MCUB: variants seen among roughly 807,000 people sequenced by gnomAD.
MCUB encodes mitochondrial calcium uniporter dominant negative subunit beta.
MCUB carries 46 observed loss-of-function variants against 41.4 expected under a neutral mutation model. The ratio of observed to expected loss-of-function variants is 1.11; its 90% CI spans 0.88 to 1.42. The LOEUF (loss-of-function observed/expected upper bound fraction) is 1.42, where lower values mean the gene tolerates loss of function less well. Among genes scored for constraint, MCUB ranks in the 40% most tolerant of loss-of-function variants. MCUB has a pLI of 0.00. For synonymous variants in MCUB, 148 were observed against 148.2 expected (o/e 1.00, Z 0.01); for missense variants, 403 against 404.9 (o/e 1.00, Z 0.04).
chr4:109,612,267 T>TTC (rs1554017530), intron 1 of MCUB, among the ~76,000 whole-genome samples: 32 of 144,982 alleles, frequency 2.2e-4, no homozygotes, highest in South Asian at 9.3e-4. Flanking sequence ...CCTTTTCTTT[T>TTC]TTTTTTTTTT....
chr4:109,669,610 TCTTTC>T (rs1215736107), intron 4 of MCUB, among the ~76,000 whole-genome samples: 3 of 152,026 alleles, frequency 2.0e-5, no homozygotes, highest in Non-Finnish European at 2.9e-5. Context: ...ATTCTTCTGT[TCTTTC>T]CTTTCTTCTC....
chr4:109,627,402 T>C (rs1332085360), intron 1 of MCUB, among the ~76,000 whole-genome samples: 1 of 152,228 alleles, frequency 6.6e-6, no homozygotes, highest in African/African-American at 2.4e-5. Context: ...AGGTTTTGCC[T>C]CCTCAAATGG....
Position 109,623,548 on chromosome 4 carries a change from A to G in MCUB, c.100-35463A>G, listed in dbSNP as rs115621902. On this transcript the variant is annotated intron_variant, in intron 1 of 7. Transcript: ENST00000394650. ...GGATAATAAATATTTCCCAGGACAA[A>G]TATTTTATGTAAATAAAATAGGGTT... Among the ~76,000 whole-genome samples, 451 of 152,296 alleles carry G rather than the reference A, an allele frequency of 3.0e-3. 1 individual carries two copies. The highest frequency in any genetic ancestry group is 4.6e-3 in the Non-Finnish European group (313 of 68,028).
chr4:109,582,280 A>G (rs1190033724), intron 1 of MCUB, among the ~76,000 whole-genome samples: 3 of 150,542 alleles, frequency 2.0e-5, no homozygotes, highest in African/African-American at 4.9e-5. Flanking sequence ...TGCAAGGACA[A>G]AAAACCAAAC....
intron 1 of MCUB, among the ~76,000 whole-genome samples, chr4:109,583,226 T>G (rs1402817720): frequency 6.6e-6 from 1 of 152,206 alleles, no homozygotes; most frequent in Admixed American, 6.5e-5. Context: ...GTTTGTGTCC[T>G]CTTTTATTTT....
intron 1 of MCUB, among the ~76,000 whole-genome samples, chr4:109,631,708 T>C (rs889940660): frequency 6.6e-6 from 1 of 152,212 alleles, no homozygotes; most frequent in South Asian, 2.1e-4. Flanking sequence ...AGCTTTAGGC[T>C]CTGTCAGTGC....
intron 1 of MCUB, among the ~76,000 whole-genome samples, chr4:109,615,508 G>A (rs531437324): frequency 1.3e-5 from 2 of 150,798 alleles, no homozygotes; most frequent in African/African-American, 2.4e-5. Context: ...CGGGTTTTAC[G>A]CCATTCTCCT....
intron 1 of MCUB, among the ~76,000 whole-genome samples, chr4:109,609,983 C>T (rs1480583442): frequency 6.6e-6 from 1 of 152,138 alleles, no homozygotes; most frequent in Non-Finnish European, 1.5e-5. Flanking sequence ...GCACTCAAAC[C>T]ACAAGACAAA....
chr4:109,618,451 T>C (rs1207381798), intron 1 of MCUB, among the ~76,000 whole-genome samples: 2 of 152,218 alleles, frequency 1.3e-5, no homozygotes, highest in African/African-American at 2.4e-5. Context: ...ATTCTCTTTC[T>C]CCTGCTTTAT....
At chr4:109,682,797 G>T (rs1275182687) in intron 5 of MCUB, 55 bp downstream of exon 5, 4 of 1,372,440 alleles carry the variant, frequency 2.9e-6, no homozygotes, top group Non-Finnish European at 4.0e-6. Context: ...TGTTTATTGA[G>T]TGCTCCTCAT....
At chr4:109,598,887 A>G (rs373326021) in intron 1 of MCUB, among the ~76,000 whole-genome samples, 29 of 152,354 alleles carry the variant, frequency 1.9e-4, no homozygotes, top group African/African-American at 6.0e-4. Context: ...AGACCAATAT[A>G]TATTCAGCTG....
intron 1 of MCUB, among the ~76,000 whole-genome samples, chr4:109,593,502 C>T (rs759698716): frequency 1.3e-4 from 20 of 152,166 alleles, no homozygotes; most frequent in Middle Eastern, 3.2e-3. Flanking sequence ...CACGCTGGGC[C>T]TTCTGAAAAG....
chr4:109,620,153 G>A (rs969588386), intron 1 of MCUB, among the ~76,000 whole-genome samples: 9 of 152,070 alleles, frequency 5.9e-5, no homozygotes, highest in African/African-American at 9.7e-5. Context: ...GTTCCTTCTC[G>A]TTTTGCTTAC....
At chr4:109,613,737 C>T (rs957609251) in intron 1 of MCUB, among the ~76,000 whole-genome samples, 2 of 152,006 alleles carry the variant, frequency 1.3e-5, no homozygotes, top group East Asian at 3.9e-4. Flanking sequence ...GGTCAGAATA[C>T]CAGGAGGCAG....
At chr4:109,665,038 C>T (rs939134871) in intron 4 of MCUB, among the ~76,000 whole-genome samples, 4 of 152,156 alleles carry the variant, frequency 2.6e-5, no homozygotes, top group African/African-American at 4.8e-5. Flanking sequence ...CTGCACCCCA[C>T]GCCCCTTATT....
chr4:109,592,269 G>GTA (rs1727454127), intron 1 of MCUB, among the ~76,000 whole-genome samples: 1 of 151,796 alleles, frequency 6.6e-6, no homozygotes, highest in Non-Finnish European at 1.5e-5. Flanking sequence ...AATTAGCCGG[G>GTA]TATGGTGGCG....
chr4:109,674,317 C>T (rs1271862047), intron 4 of MCUB, among the ~76,000 whole-genome samples: 4 of 152,178 alleles, frequency 2.6e-5, no homozygotes, highest in East Asian at 1.9e-4. Context: ...TTACTAACTC[C>T]GTCATTCAAG....
At chr4:109,678,704 C>G (rs1462632127) in intron 4 of MCUB, among the ~76,000 whole-genome samples, 1 of 129,020 alleles carries the variant, frequency 7.8e-6, no homozygotes, top group South Asian at 2.6e-4. Context: ...ACTTCCCAGA[C>G]GGGGTGGTGG....
chr4:109,560,823 C>T (rs1726608231), intron 1 of MCUB, among the ~76,000 whole-genome samples: 1 of 152,140 alleles, frequency 6.6e-6, no homozygotes, highest in African/African-American at 2.4e-5. Flanking sequence ...GGGCCGGTTC[C>T]CTCTTGGTGA....
Sources: gnomAD v4.1 joint callset for allele counts (sites outside exome capture counted in the v4.1 genomes callset) on GRCh38, gnomAD v4.1.1 for gene constraint, MANE v1.5 for transcripts, NCBI Gene and HGNC (gene_info 2026-07-23, HGNC 2026-07-21) for gene names.